TRIM23: variants seen among roughly 807,000 people sequenced by gnomAD.
TRIM23 encodes the protein tripartite motif containing 23, also known as E3 ubiquitin-protein ligase TRIM23.
In TRIM23, 27 loss-of-function variants were observed where a neutral mutation model predicts 71.0. The observed-to-expected ratio is 0.38, with a 90% confidence interval of 0.28 to 0.52. The LOEUF is 0.52. Among genes scored for constraint, TRIM23 ranks in the 20% least tolerant of loss-of-function variants. The pLI, the probability that TRIM23 is intolerant of heterozygous loss-of-function variation, is 0.84. For missense variants in TRIM23, 482 were observed against 692.3 expected (o/e 0.70, Z 3.41); for synonymous variants, 234 against 238.0 (o/e 0.98, Z 0.16).
intron 1 of TRIM23, among the ~76,000 whole-genome samples, chr5:65,623,866 A>G (rs1476692461): frequency 2.0e-5 from 3 of 152,354 alleles, no homozygotes; most frequent in East Asian, 1.9e-4. Flanking sequence ...TGATGACTCA[A>G]TTTATAATAC....
intron 7 of TRIM23, among the ~76,000 whole-genome samples, chr5:65,602,785 T>TA (rs1754396241): frequency 6.6e-6 from 1 of 152,262 alleles, no homozygotes; most frequent in South Asian, 2.1e-4. Flanking sequence ...CAGAAACCCC[T>TA]AATAAGCCCA....
intron 2 of TRIM23, among the ~76,000 whole-genome samples, chr5:65,614,594 G>A (rs1175700629): frequency 6.6e-6 from 1 of 152,004 alleles, no homozygotes; most frequent in Non-Finnish European, 1.5e-5. Flanking sequence ...AATTAGCCAG[G>A]TGTGGCGTCA....
Position 65,591,708 on chromosome 5 carries a change from AACAT to A in TRIM23, c.*57_*60del. The A allele has an allele frequency of 6.6e-7, 1 of 1,506,486 alleles. No individual in the cohort carries two copies. Among genetic ancestry groups the A allele is most frequent in the Middle Eastern group, 1.8e-4 (1 of 5,632 alleles). 93.3% of individuals were successfully genotyped at this position (1,506,486 alleles called of 1,614,324 possible). On this transcript the variant is annotated 3_prime_UTR_variant, in exon 11 of 11. Coordinates refer to ENST00000231524, the MANE Select transcript of TRIM23 (RefSeq NM_001656.4). ...TCTTTTGAGATGTATAATTTCTTAA[AACAT>A]ACTATGTGCAAAGTTACTTTTAACC...
chr5:65,609,041 A>C (rs1426312701), intron 6 of TRIM23, among the ~76,000 whole-genome samples: 5 of 152,194 alleles, frequency 3.3e-5, no homozygotes, highest in Non-Finnish European at 7.3e-5. Flanking sequence ...TCAAGAACCC[A>C]TGGCTTATGG....
At position 65,611,805 on chromosome 5, in the gene TRIM23, G is replaced by C. The variant is rs571665830; in HGVS notation, c.443C>G (p.Ser148Cys). 2 of 1,614,152 alleles carry C rather than the reference G, an allele frequency of 1.2e-6. No homozygotes were observed. The highest frequency in any genetic ancestry group is 2.2e-5 in the South Asian group (2 of 91,084). Residue 148 changes from serine (S) to cysteine (C), a missense_variant, in exon 4 of 11, where the codon TCT (serine) becomes TGT (cysteine). This residue lies in a region of TRIM23 where 175 missense variants were observed against 196.5 expected (regional missense o/e 0.89). Transcript: ENST00000231524. The stretch of plus-strand genomic sequence containing the variant: ...AGAATGAGTAACTTGAGAACACTCA[G>C]AGCACAAATGAGTTGCACACACAGT... ...YCTVCATHLCSECSQVTHSTK... is the reference protein window; with the variant it reads ...YCTVCATHLCCECSQVTHSTK...
chr5:65,591,287 A>G lies in TRIM23; in HGVS notation c.*482T>C. The G allele has an allele frequency of 2.9e-6, 4 of 1,371,890 alleles. No individual in the cohort carries two copies. The highest frequency in any genetic ancestry group is 3.2e-5 in the South Asian group (2 of 62,854). 85.0% of individuals were successfully genotyped at this position (1,371,890 alleles called of 1,614,324 possible). Reference sequence around the variant, plus strand: ...TATCCAAATATGTAGTTTGGATTCTATTTCATTAAGCAACTGTCATTTCTA... The same window carrying G: ...TATCCAAATATGTAGTTTGGATTCTGTTTCATTAAGCAACTGTCATTTCTA... On this transcript the variant is annotated 3_prime_UTR_variant, in exon 11 of 11. Transcript: ENST00000231524.
At chr5:65,597,007 GCTA>G (rs1754226877) in intron 8 of TRIM23, 41 bp downstream of exon 8, 3 of 1,605,134 alleles carry the variant, frequency 1.9e-6, no homozygotes. Flanking sequence ...TTGGCTGTAA[GCTA>G]GGGTTTGTCT....
intron 4 of TRIM23, 141 bp from the exon 5 acceptor site, chr5:65,611,184 C>G (rs1754639491): frequency 1.3e-6 from 1 of 759,988 alleles, no homozygotes; most frequent in African/African-American, 1.8e-5. Context: ...TTTACTTTCA[C>G]TCCTTTATAA....
At chr5:65,595,202 A>G (rs1581174666) in intron 9 of TRIM23, among the ~76,000 whole-genome samples, 4 of 152,094 alleles carry the variant, frequency 2.6e-5, no homozygotes, top group Admixed American at 2.6e-4. Context: ...ACTTGAGCCC[A>G]GGAGTTCGAG....
At chr5:65,596,380 C>T (rs751204246) in intron 9 of TRIM23, 41 bp downstream of exon 9, 23 of 1,388,478 alleles carry the variant, frequency 1.7e-5, no homozygotes, top group African/African-American at 1.6e-4. Flanking sequence ...AAACTGTCAT[C>T]CTAAAAATGT....
rs866939087 is a variant in TRIM23 at position 65,605,052 on chromosome 5, G to A, written c.1045-7C>T. 4 of 1,594,682 alleles carry A rather than the reference G, an allele frequency of 2.5e-6. No individual in the cohort carries two copies. The Middle Eastern group carries it at 5.0e-4, about 199-fold the overall frequency. On this transcript the variant is annotated splice_region_variant and splice_polypyrimidine_tract_variant and intron_variant, in intron 6 of 10. Transcript: ENST00000231524. Reference sequence around the variant, plus strand: ...AGACAACTCTACAATCATCCTATAAGAGGCAAAACAATATTTCTTATAAAC... The same window carrying A: ...AGACAACTCTACAATCATCCTATAAAAGGCAAAACAATATTTCTTATAAAC...
At chr5:65,600,979 A>C (rs1037186456) in intron 7 of TRIM23, among the ~76,000 whole-genome samples, 16 of 152,250 alleles carry the variant, frequency 1.1e-4, no homozygotes, top group Non-Finnish European at 2.4e-4. Flanking sequence ...ACTATCCAAA[A>C]ACAGAAAATA....
intron 10 of TRIM23, among the ~76,000 whole-genome samples, chr5:65,593,720 T>C (rs1052970740): frequency 3.9e-5 from 6 of 152,186 alleles, no homozygotes; most frequent in Non-Finnish European, 5.9e-5. Context: ...CTTCAGCTAC[T>C]CCCAGTCCTT....
chr5:65,611,922 C>A, intron 3 of TRIM23, 41 bp from the exon 4 acceptor site: 1 of 1,568,342 alleles, frequency 6.4e-7, no homozygotes, highest in South Asian at 1.2e-5. Flanking sequence ...TGAACCCAAT[C>A]AGTATAACAT....
chr5:65,609,701 G>A (rs1754603976), intron 5 of TRIM23, among the ~76,000 whole-genome samples: 1 of 152,148 alleles, frequency 6.6e-6, no homozygotes, highest in East Asian at 1.9e-4. Context: ...CTGCATGCCA[G>A]CCTGGGTGAC....
At position 65,591,635 on chromosome 5, in the gene TRIM23, CAA is replaced by C; in HGVS notation, c.*132_*133del. On this transcript the variant is annotated 3_prime_UTR_variant, in exon 11 of 11. Coordinates refer to ENST00000231524, the MANE Select transcript of TRIM23 (RefSeq NM_001656.4). ...AAAGCAAAGTACTGAATTCCCAATC[CAA>C]GATTCCTTTATATATATATATATAT... The C allele has an allele frequency of 3.2e-6, 3 of 951,158 alleles. No homozygotes were observed. The highest frequency in any genetic ancestry group is 4.0e-6 in the Non-Finnish European group (3 of 741,726). 58.9% of individuals were successfully genotyped at this position (951,158 alleles called of 1,614,324 possible).
intron 4 of TRIM23, among the ~76,000 whole-genome samples, chr5:65,611,315 C>T (rs1754643650): frequency 1.3e-5 from 2 of 151,964 alleles, no homozygotes. Flanking sequence ...TAAATATTGT[C>T]AAAACAATCT....
intron 1 of TRIM23, among the ~76,000 whole-genome samples, chr5:65,621,317 C>A (rs1189056714): frequency 1.3e-5 from 2 of 151,898 alleles, no homozygotes; most frequent in African/African-American, 4.8e-5. Context: ...GTGCCACTGC[C>A]CTCCAGCCTG....
intron 10 of TRIM23, 81 bp downstream of exon 10, chr5:65,594,440 T>C (rs564836706): frequency 1.1e-4 from 155 of 1,466,092 alleles, no homozygotes; most frequent in Non-Finnish European, 1.3e-4. Context: ...ATTGAACTGA[T>C]TGTCTTCTGA....
Sources: gnomAD v4.1 joint callset for allele counts (sites outside exome capture counted in the v4.1 genomes callset) on GRCh38, gnomAD v4.1.1 for gene constraint, gnomAD v4.1.1 regional missense constraint, MANE v1.5 for transcripts, NCBI Gene and HGNC (gene_info 2026-07-23, HGNC 2026-07-21) for gene names.